Variants in RAB5C observed in about 807,000 individuals in gnomAD.
RAB5C encodes the protein ras-related protein Rab-5C.
In RAB5C, 4 loss-of-function variants were observed where a neutral mutation model predicts 25.2. That is an observed-to-expected ratio of 0.16 (90% CI 0.08 to 0.36). The LOEUF (loss-of-function observed/expected upper bound fraction) is 0.36. Among genes scored for constraint, RAB5C ranks in the 10% least tolerant of loss-of-function variants. The pLI, the probability that RAB5C is intolerant of heterozygous loss-of-function variation, is 1.00. For synonymous variants in RAB5C, 100 were observed against 106.4 expected, an observed-to-expected ratio of 0.94 and a Z score of 0.37; for missense variants, 199 against 283.8, an observed-to-expected ratio of 0.70 and a Z score of 2.15.
At chr17:42,133,741 A>T (rs1465736507) in intron 1 of RAB5C, among the ~76,000 whole-genome samples, 2 of 152,188 alleles carry the variant, frequency 1.3e-5, no homozygotes, top group African/African-American at 4.8e-5. Flanking sequence ...TGTTCTCATC[A>T]CTAATATGGG....
At position 42,125,828 on chromosome 17, in the gene RAB5C, G is replaced by C. The variant is rs782464149; in HGVS notation, c.606C>G (p.Leu202=). The change falls in exon 6 of 6, where the codon CTC becomes CTG. Residue 202 remains leucine (L), a synonymous_variant. Coordinates refer to ENST00000346213, the MANE Select transcript of RAB5C (RefSeq NM_004583.4). ...GAPGRNRGVD[L]QENNPASRSQ... Reference sequence around the variant, plus strand: ...TCCGGCTGGCTGGGTTGTTCTCCTGGAGGTCCACACCTCGGTTTCGGCCTG... The same window carrying C: ...TCCGGCTGGCTGGGTTGTTCTCCTGCAGGTCCACACCTCGGTTTCGGCCTG... 8 of 1,611,190 alleles carry C rather than the reference G, an allele frequency of 5.0e-6. No individual in the cohort carries two copies. The African/African-American group carries it at 9.3e-5, about 19-fold the overall frequency.
At position 42,131,507 on chromosome 17, in the gene RAB5C, C is replaced by A. The variant is rs534188123; in HGVS notation, c.-88-917G>T. 2.6e-5 allele frequency: 33 copies of A among 1,248,952 alleles called. No individual in the cohort carries two copies. The African/African-American group carries it at 4.3e-4, about 16-fold the overall frequency. 77.4% of individuals were successfully genotyped at this position (1,248,952 alleles called of 1,614,324 possible). ...ATACACACCAAAACAGACACCAAAA[C>A]AAAACACACACCGAAACAAACACAC... On this transcript the variant is annotated intron_variant, in intron 1 of 5. Coordinates refer to ENST00000346213, the MANE Select transcript of RAB5C (RefSeq NM_004583.4).
chr17:42,147,528 G>A (rs1162105700), intron 1 of RAB5C, among the ~76,000 whole-genome samples: 7 of 152,238 alleles, frequency 4.6e-5, no homozygotes, highest in Admixed American at 4.6e-4. Context: ...GGCTAGTCAG[G>A]GCCGCGCCCT....
At chr17:42,144,091 G>A (rs1182399921) in intron 1 of RAB5C, among the ~76,000 whole-genome samples, 1 of 152,044 alleles carries the variant, frequency 6.6e-6, no homozygotes. Context: ...CGGCCTTATC[G>A]CTGGATTATA....
intron 1 of RAB5C, among the ~76,000 whole-genome samples, chr17:42,143,415 T>A (rs575583810): frequency 6.6e-6 from 1 of 152,234 alleles, no homozygotes; most frequent in African/African-American, 2.4e-5. Flanking sequence ...GGCAAGTGGA[T>A]CACTTGAGGT....
intron 5 of RAB5C, among the ~76,000 whole-genome samples, chr17:42,126,217 AC>A (rs1184906641): frequency 6.6e-6 from 1 of 152,160 alleles, no homozygotes; most frequent in African/African-American, 2.4e-5. Context: ...GTGGCAGGCT[AC>A]AGGCTCAGAG....
chr17:42,154,086 C>T (rs576208252), intron 1 of RAB5C, among the ~76,000 whole-genome samples: 94 of 152,210 alleles, frequency 6.2e-4, no homozygotes, highest in African/African-American at 2.2e-3. Flanking sequence ...CCCTTTGAGG[C>T]GGCTGGGAAA....
At chr17:42,128,991 C>T (rs546839484) in intron 2 of RAB5C, among the ~76,000 whole-genome samples, 191 bp from the exon 3 acceptor site, 18 of 152,110 alleles carry the variant, frequency 1.2e-4, no homozygotes, top group Admixed American at 8.5e-4. Flanking sequence ...GTCTGGGGGA[C>T]GGGGTCTGCA....
At position 42,139,588 on chromosome 17, in the gene RAB5C, T is replaced by C. The variant is rs369524377; in HGVS notation, c.-88-8998A>G. ...AGCAATTCTGCCTCAGCCTCCTGAG[T>C]AGCTAGGACTACATACGCGTGCCAC... On this transcript the variant is annotated intron_variant, in intron 1 of 5. Transcript: ENST00000346213. Among the ~76,000 whole-genome samples, 4 of 152,286 alleles carry C rather than the reference T, an allele frequency of 2.6e-5. No individual in the cohort carries two copies. The East Asian group carries it at 7.7e-4, about 29-fold the overall frequency.
chr17:42,140,805 C>T (rs747352430), intron 1 of RAB5C, among the ~76,000 whole-genome samples: 12 of 151,984 alleles, frequency 7.9e-5, no homozygotes, highest in Non-Finnish European at 1.0e-4. Context: ...GGATTACAGG[C>T]ATGAGCCACC....
intron 1 of RAB5C, among the ~76,000 whole-genome samples, chr17:42,131,030 G>A (rs1247276537): frequency 6.6e-6 from 1 of 152,210 alleles, no homozygotes; most frequent in East Asian, 1.9e-4. Context: ...TGAAGTTCCA[G>A]TCTGGTAGCC....
chr17:42,150,586 G>A (rs1269981959), intron 1 of RAB5C, among the ~76,000 whole-genome samples: 8 of 142,292 alleles, frequency 5.6e-5, no homozygotes, highest in Admixed American at 7.1e-5. Context: ...AGCCAGACAC[G>A]GTGGCTCATG....
chr17:42,154,169 C>T (rs899171506), intron 1 of RAB5C, among the ~76,000 whole-genome samples: 2 of 152,138 alleles, frequency 1.3e-5, no homozygotes, highest in African/African-American at 4.8e-5. Context: ...AATGAATGGG[C>T]ACATCCACCC....
intron 1 of RAB5C, among the ~76,000 whole-genome samples, chr17:42,136,867 A>G (rs1262522937): frequency 1.3e-5 from 2 of 152,232 alleles, no homozygotes; most frequent in Non-Finnish European, 1.5e-5. Context: ...CTCCTATTAG[A>G]GATAGAAAGA....
intron 1 of RAB5C, among the ~76,000 whole-genome samples, chr17:42,152,114 T>G (rs1346208092): frequency 6.6e-6 from 1 of 151,506 alleles, no homozygotes; most frequent in Non-Finnish European, 1.5e-5. Context: ...ACACTTGCCT[T>G]ATCTTACTCA....
intron 1 of RAB5C, among the ~76,000 whole-genome samples, chr17:42,154,052 G>C (rs1745186902): frequency 6.6e-6 from 1 of 152,168 alleles, no homozygotes; most frequent in African/African-American, 2.4e-5. Context: ...TAGACACACG[G>C]ACAGCAGTCC....
chr17:42,141,652 T>TC (rs1288185832), intron 1 of RAB5C, among the ~76,000 whole-genome samples: 2 of 152,052 alleles, frequency 1.3e-5, no homozygotes, highest in East Asian at 3.9e-4. Context: ...AGTGCTGGAG[T>TC]CAGACAACTT....
chr17:42,127,920 A>G (rs995892906), intron 4 of RAB5C, among the ~76,000 whole-genome samples: 9 of 151,802 alleles, frequency 5.9e-5, no homozygotes, highest in Non-Finnish European at 7.4e-5. Context: ...CCTGGGCTCA[A>G]ACAATCCTCG....
At chr17:42,152,057 C>T (rs1219065205) in intron 1 of RAB5C, among the ~76,000 whole-genome samples, 1 of 151,926 alleles carries the variant, frequency 6.6e-6, no homozygotes, top group Non-Finnish European at 1.5e-5. Context: ...TATGATCGAT[C>T]TTAGGCAAAC....
Sources: allele counts gnomAD v4.1 joint callset (sites outside exome capture counted in the v4.1 genomes callset), GRCh38; gene constraint gnomAD v4.1.1; transcripts MANE v1.5; gene names NCBI Gene and HGNC (gene_info 2026-07-23, HGNC 2026-07-21).